Variants in TMCO6 observed in about 807,000 individuals in gnomAD.
TMCO6 encodes the protein transmembrane and coiled-coil domain-containing protein 6.
TMCO6 carries 47 observed loss-of-function variants against 61.8 expected under a neutral mutation model. The observed-to-expected ratio is 0.76, with a 90% CI of 0.60 to 0.97. The LOEUF is 0.97. Ranked by LOEUF, TMCO6 falls within the 50% of genes least tolerant of loss-of-function variation. The pLI, the probability that TMCO6 is intolerant of heterozygous loss-of-function variation, is 0.00. For synonymous variants in TMCO6, 261 were observed against 254.2 expected (o/e 1.03, Z -0.25); for missense variants, 557 against 601.6 (o/e 0.93, Z 0.78).
chr5:140,639,739 C>T lies in TMCO6; in HGVS notation c.86C>T (p.Ala29Val), dbSNP rs1187227238. Reference protein sequence around the residue: ...LRRRRREREAALRKARREQQL... With the variant: ...LRRRRREREAVLRKARREQQL... The stretch of plus-strand genomic sequence containing the variant: ...GCTCAGCCGGCTCCTCTGCCCCCAG[C>T]ACTGCGGAAGGCGCGGAGGGAGCAG... Residue 29 changes from alanine (A) to valine (V), a missense_variant and splice_region_variant, in exon 2 of 12, where the codon GCA (alanine) becomes GTA (valine). Physicochemically the swap from Ala to Val is moderately conservative, Grantham distance 64. Transcript: ENST00000394671. The T allele has an allele frequency of 6.3e-7, 1 of 1,591,334 alleles. No homozygotes were observed. The highest frequency in any genetic ancestry group is 1.8e-5 in the Admixed American group (1 of 55,186).
chr5:140,619,413 G>A, the TMCO6 span, among the ~76,000 whole-genome samples: 1 of 152,110 alleles, frequency 6.6e-6, no homozygotes. Flanking sequence ...GAAGGTGGGG[G>A]GAAAGTCTCT....
chr5:140,614,205 C>T, the TMCO6 span, among the ~76,000 whole-genome samples: 3 of 150,238 alleles, frequency 2.0e-5, no homozygotes, highest in African/African-American at 7.3e-5. Context: ...GGCCATCTCT[C>T]ATCTTAAAAA....
the TMCO6 span, among the ~76,000 whole-genome samples, chr5:140,620,525 C>A: frequency 2.0e-5 from 3 of 152,074 alleles, no homozygotes; most frequent in Non-Finnish European, 4.4e-5. Flanking sequence ...AAACTATGAA[C>A]TTTGAATGAT....
At chr5:140,640,715 G>C (rs572700591) in intron 2 of TMCO6, among the ~76,000 whole-genome samples, 1 of 152,240 alleles carries the variant, frequency 6.6e-6, no homozygotes, top group East Asian at 1.9e-4. Context: ...GTTTCTTGTA[G>C]AATATTAATC....
rs754574916 is a variant in TMCO6, at chr5:140,644,580, C to A, written c.1208C>A (p.Thr403Lys). Residue 403 changes from threonine (T) to lysine (K), a missense_variant, in exon 11 of 12, where the codon ACA becomes AAA. Transcript: ENST00000394671. The part of the protein sequence containing the change: ...VSNVVSVMVL[T>K]VLCNVAEKGP... ...ATATGTGTCTATCTGCAGGTGCTCACAGTTCTGTGCAATGTTGCAGAAAAG... is the reference window on the plus strand; with the variant it reads ...ATATGTGTCTATCTGCAGGTGCTCAAAGTTCTGTGCAATGTTGCAGAAAAG... 15 of 1,613,980 alleles carry A rather than the reference C, an allele frequency of 9.3e-6. No homozygotes were observed. The African/African-American group carries it at 2.0e-4, about 22-fold the overall frequency.
chr5:140,636,739 G>T (rs1229162231), upstream of TMCO6, among the ~76,000 whole-genome samples: 1 of 152,114 alleles, frequency 6.6e-6, no homozygotes, highest in Admixed American at 6.6e-5. Flanking sequence ...TTGTGGAAGA[G>T]ATTGCAGACT....
intron 5 of TMCO6, 49 bp downstream of exon 5, chr5:140,642,468 C>A: frequency 6.2e-7 from 1 of 1,603,628 alleles, no homozygotes; most frequent in Non-Finnish European, 8.5e-7. Flanking sequence ...CTCCTCCCCA[C>A]ATGCTCCATC....
At chr5:140,636,984 A>G (rs1183735915), upstream of TMCO6, among the ~76,000 whole-genome samples, 1 of 152,124 alleles carries the variant, frequency 6.6e-6, no homozygotes, top group African/African-American at 2.4e-5. Flanking sequence ...ACTTAATGAT[A>G]GCTGTGAAAA....
the TMCO6 span, among the ~76,000 whole-genome samples, chr5:140,602,347 C>T: frequency 6.6e-6 from 1 of 152,174 alleles, no homozygotes; most frequent in Non-Finnish European, 1.5e-5. Flanking sequence ...ATTTGCTAGG[C>T]CTCAACACCG....
chr5:140,647,624 C>T (rs374432948), downstream of TMCO6: 8 of 1,598,754 alleles, frequency 5.0e-6, no homozygotes, highest in East Asian at 1.3e-4. Context: ...GTCTTCAGGC[C>T]AAGTGCTCCG....
chr5:140,621,998 C>G, the TMCO6 span, among the ~76,000 whole-genome samples: 1 of 152,226 alleles, frequency 6.6e-6, no homozygotes, highest in African/African-American at 2.4e-5. Flanking sequence ...TTAATTTCGT[C>G]TCGGTCCTTG....
chr5:140,642,826 G>A, intron 6 of TMCO6, 99 bp from the exon 7 acceptor site: 2 of 1,603,624 alleles, frequency 1.2e-6, no homozygotes, highest in Non-Finnish European at 1.7e-6. Context: ...CATCTGGGCA[G>A]GGCTTTGGGT....
At chr5:140,629,872 G>T in the TMCO6 span, among the ~76,000 whole-genome samples, 1 of 149,506 alleles carries the variant, frequency 6.7e-6, no homozygotes, top group Non-Finnish European at 1.5e-5. Context: ...GGTGGAGGTT[G>T]CAGTGAGCTG....
chr5:140,629,901 C>G, the TMCO6 span, among the ~76,000 whole-genome samples: 5 of 149,176 alleles, frequency 3.4e-5, no homozygotes, highest in African/African-American at 1.2e-4. Context: ...CCATTGCACT[C>G]CAGCCTGGGC....
At chr5:140,618,176 A>T in the TMCO6 span, among the ~76,000 whole-genome samples, 1 of 152,192 alleles carries the variant, frequency 6.6e-6, no homozygotes, top group Non-Finnish European at 1.5e-5. Flanking sequence ...CACACCTGTA[A>T]TCCCAGCACT....
chr5:140,635,668 G>A (rs879775396), upstream of TMCO6, among the ~76,000 whole-genome samples: 1 of 152,210 alleles, frequency 6.6e-6, no homozygotes, highest in Non-Finnish European at 1.5e-5. Context: ...AGTCCCTGAA[G>A]TGCTCCAGGA....
upstream of TMCO6, among the ~76,000 whole-genome samples, chr5:140,638,424 G>A (rs1182935507): frequency 6.6e-6 from 1 of 152,120 alleles, no homozygotes; most frequent in Non-Finnish European, 1.5e-5. Context: ...GCGTGCCTCG[G>A]CATCTAACGA....
chr5:140,642,868 G>A (rs772245618), intron 6 of TMCO6, 57 bp from the exon 7 acceptor site: 10 of 1,613,436 alleles, frequency 6.2e-6, no homozygotes, highest in Non-Finnish European at 8.5e-6. Flanking sequence ...ATCAGGGTTT[G>A]GTAAGAACCA....
At chr5:140,637,915 T>TCCCCCTCCCCTCTCTTC, upstream of TMCO6, among the ~76,000 whole-genome samples, 1 of 152,134 alleles carries the variant, frequency 6.6e-6, no homozygotes, top group Admixed American at 6.6e-5. Context: ...TTTCTCTCTT[T>TCCCCCTCCCCTCTCTTC]CCCCCTCCCC....
Sources: allele counts gnomAD v4.1 joint callset (sites outside exome capture counted in the v4.1 genomes callset), GRCh38; gene constraint gnomAD v4.1.1; transcripts MANE v1.5; gene names NCBI Gene and HGNC (gene_info 2026-07-23, HGNC 2026-07-21).